BCKDHB: variants seen among roughly 807,000 people sequenced by gnomAD.
BCKDHB encodes the protein 2-oxoisovalerate dehydrogenase subunit beta, mitochondrial.
Under a neutral mutation model 48.5 loss-of-function variants are expected in BCKDHB, and 41 were observed. That is an observed-to-expected ratio of 0.85 (90% CI 0.66 to 1.10). The LOEUF (loss-of-function observed/expected upper bound fraction) is 1.10. BCKDHB is among the 50% of genes least tolerant of loss of function. The pLI is 0.00. For synonymous variants in BCKDHB, 201 were observed against 174.8 expected (o/e 1.15, Z -1.18); for missense variants, 496 against 494.2 (o/e 1.00, Z -0.03).
chr6:80,437,777 A>G, the BCKDHB span, among the ~76,000 whole-genome samples: 1 of 152,198 alleles, frequency 6.6e-6, no homozygotes, highest in African/African-American at 2.4e-5. Flanking sequence ...ATTTTCATCA[A>G]ACACTCTAAA....
chr6:80,299,166 G>C, intron 9 of BCKDHB, among the ~76,000 whole-genome samples: 1 of 152,076 alleles, frequency 6.6e-6, no homozygotes, highest in East Asian at 1.9e-4. Context: ...CTTTTATTAA[G>C]AGGGGCCTTT....
At chr6:80,347,283 T>C (rs1268571954), downstream of BCKDHB, among the ~76,000 whole-genome samples, 2 of 152,212 alleles carry the variant, frequency 1.3e-5, no homozygotes, top group Non-Finnish European at 2.9e-5. Flanking sequence ...AGGGAAAAGA[T>C]GTAGTTTGTC....
At chr6:80,417,392 G>C in the BCKDHB span, among the ~76,000 whole-genome samples, 1 of 152,118 alleles carries the variant, frequency 6.6e-6, no homozygotes, top group South Asian at 2.1e-4. Flanking sequence ...TCACCATGAT[G>C]TTAGCTGGTT....
intron 8 of BCKDHB, chr6:80,251,704 T>C (rs1302477244): frequency 2.0e-5 from 3 of 152,248 alleles, no homozygotes. Flanking sequence ...ACCATCATTT[T>C]CTTTTAGGTA....
chr6:80,364,990 C>T, the BCKDHB span, among the ~76,000 whole-genome samples: 9 of 152,120 alleles, frequency 5.9e-5, no homozygotes, highest in Admixed American at 5.9e-4. Context: ...GCCTCAAAAC[C>T]AGTAAGTTTT....
chr6:80,424,417 A>C, the BCKDHB span, among the ~76,000 whole-genome samples: 1 of 152,182 alleles, frequency 6.6e-6, no homozygotes, highest in Non-Finnish European at 1.5e-5. Flanking sequence ...CCCATTTCTC[A>C]TTCTTATAAT....
chr6:80,180,395 T>C (rs1239083437), intron 6 of BCKDHB, among the ~76,000 whole-genome samples: 3 of 152,094 alleles, frequency 2.0e-5, no homozygotes, highest in Non-Finnish European at 2.9e-5. Context: ...ATGTACAAAA[T>C]AGTGATGATT....
intron 8 of BCKDHB, among the ~76,000 whole-genome samples, chr6:80,244,105 T>A (rs186048963): frequency 6.6e-6 from 1 of 152,336 alleles, no homozygotes; most frequent in East Asian, 1.9e-4. Context: ...GGGTTTTTAA[T>A]GTTAGGAAAC....
At chr6:80,406,036 T>G in the BCKDHB span, among the ~76,000 whole-genome samples, 1 of 152,138 alleles carries the variant, frequency 6.6e-6, no homozygotes, top group Non-Finnish European at 1.5e-5. Context: ...CCATGTGTTC[T>G]CATTGTTCAA....
chr6:80,423,387 T>C, the BCKDHB span, among the ~76,000 whole-genome samples: 2 of 152,206 alleles, frequency 1.3e-5, no homozygotes, highest in Non-Finnish European at 2.9e-5. Context: ...CTAACAAAGA[T>C]ATTCTAGTCT....
At chr6:80,439,711 A>G in the BCKDHB span, among the ~76,000 whole-genome samples, 1 of 152,220 alleles carries the variant, frequency 6.6e-6, no homozygotes, top group Admixed American at 6.5e-5. Flanking sequence ...GAAGAATTTA[A>G]TGTCTAGAAA....
At chr6:80,249,167 C>T (rs1167912313) in intron 8 of BCKDHB, among the ~76,000 whole-genome samples, 1 of 151,624 alleles carries the variant, frequency 6.6e-6, no homozygotes, top group African/African-American at 2.4e-5. Flanking sequence ...CTAATAAGTT[C>T]CTCCCACCCA....
chr6:80,193,175 A>T (rs1056267727), intron 6 of BCKDHB, among the ~76,000 whole-genome samples: 44 of 152,148 alleles, frequency 2.9e-4, no homozygotes, highest in African/African-American at 1.0e-3. Context: ...TATGCAAAAG[A>T]ACTGGAAATG....
At chr6:80,162,784 G>T (rs1308929917) in intron 3 of BCKDHB, among the ~76,000 whole-genome samples, 3 of 152,156 alleles carry the variant, frequency 2.0e-5, no homozygotes, top group Non-Finnish European at 4.4e-5. Flanking sequence ...CCAGGAGGTA[G>T]AGGTTGCAGT....
At position 80,273,417 on chromosome 6, in the gene BCKDHB, C is replaced by A. The variant is rs1490422200; in HGVS notation, c.1038+196C>A. Reference sequence around the variant, plus strand: ...CACTTTCTGTTTGTTAGTTAATGATCTAATTAATTTTCTAGAACAGATATC... The same window carrying A: ...CACTTTCTGTTTGTTAGTTAATGATATAATTAATTTTCTAGAACAGATATC... On this transcript the variant is annotated intron_variant, in intron 9 of 9. Transcript: ENST00000320393. Among the ~76,000 whole-genome samples the A allele has an allele frequency of 2.0e-5, 3 of 152,026 alleles. No homozygotes were observed. In the East Asian group the frequency reaches 5.8e-4, roughly 29 times the overall value.
At chr6:80,165,151 T>G (rs1349173194) in intron 3 of BCKDHB, among the ~76,000 whole-genome samples, 1 of 152,192 alleles carries the variant, frequency 6.6e-6, no homozygotes, top group Non-Finnish European at 1.5e-5. Flanking sequence ...TCAATAAGAA[T>G]GCTGCTAGTT....
the BCKDHB span, among the ~76,000 whole-genome samples, chr6:80,434,929 C>G: frequency 6.6e-6 from 1 of 152,138 alleles, no homozygotes; most frequent in African/African-American, 2.4e-5. Context: ...TGGTGTTTTT[C>G]CATAGATCTT....
chr6:80,391,948 CT>C, the BCKDHB span, among the ~76,000 whole-genome samples: 1 of 152,014 alleles, frequency 6.6e-6, no homozygotes, highest in African/African-American at 2.4e-5. Flanking sequence ...AGATTTACCC[CT>C]CTTTATTGAT....
chr6:80,265,072 A>T (rs1379133722), intron 8 of BCKDHB, among the ~76,000 whole-genome samples: 1 of 152,144 alleles, frequency 6.6e-6, no homozygotes, highest in African/African-American at 2.4e-5. Flanking sequence ...GTTGGTACAG[A>T]TGTGGAGAAA....
Sources: allele counts gnomAD v4.1 joint callset (sites outside exome capture counted in the v4.1 genomes callset), GRCh38; gene constraint gnomAD v4.1.1; transcripts MANE v1.5; gene names NCBI Gene and HGNC (gene_info 2026-07-23, HGNC 2026-07-21).